SLC24A2: variants seen among roughly 807,000 people sequenced by gnomAD.
The protein encoded by SLC24A2 is solute carrier family 24 member 2.
In SLC24A2, 36 loss-of-function variants were observed where a neutral mutation model predicts 62.0. The ratio of observed to expected loss-of-function variants is 0.58; its 90% CI spans 0.44 to 0.77. The LOEUF is 0.77. Among genes scored for constraint, SLC24A2 ranks in the 30% least tolerant of loss-of-function variants. SLC24A2 has a pLI of 0.00. For missense variants in SLC24A2, 846 were observed against 817.9 expected, an observed-to-expected ratio of 1.03 and a Z score of -0.42; for synonymous variants, 358 against 294.0, an observed-to-expected ratio of 1.22 and a Z score of -2.23.
At chr9:19,561,449 T>TC (rs1835397590) in intron 7 of SLC24A2, among the ~76,000 whole-genome samples, 1 of 151,102 alleles carries the variant, frequency 6.6e-6, no homozygotes, top group Admixed American at 6.6e-5. Flanking sequence ...TTTTTTTTTT[T>TC]TTTGAGATGG....
the SLC24A2 span, among the ~76,000 whole-genome samples, chr9:20,294,528 G>A: frequency 7.4e-3 from 1,121 of 152,212 alleles, 8 homozygotes; most frequent in African/African-American, 0.023. Flanking sequence ...CAAAGCCCCA[G>A]TTCTTCAGTT....
the SLC24A2 span, among the ~76,000 whole-genome samples, chr9:19,932,226 G>T: frequency 6.6e-6 from 1 of 152,194 alleles, no homozygotes; most frequent in Non-Finnish European, 1.5e-5. Flanking sequence ...AATGGTCTTG[G>T]TTTCTTTTTC....
At chr9:19,557,405 G>A (rs986769894) in intron 7 of SLC24A2, among the ~76,000 whole-genome samples, 23 of 152,300 alleles carry the variant, frequency 1.5e-4, no homozygotes, top group African/African-American at 4.8e-4. Flanking sequence ...AGAATGAGCC[G>A]AAGGCGGTGG....
the SLC24A2 span, among the ~76,000 whole-genome samples, chr9:20,170,944 A>C: frequency 6.6e-6 from 1 of 151,992 alleles, no homozygotes; most frequent in African/African-American, 2.4e-5. Flanking sequence ...AGAAGAGGAA[A>C]AGAATCTTAA....
chr9:19,809,531 C>T, the SLC24A2 span, among the ~76,000 whole-genome samples: 2 of 152,026 alleles, frequency 1.3e-5, no homozygotes, highest in African/African-American at 2.4e-5. Flanking sequence ...TCCTTGCTAA[C>T]AACAGCAGCC....
chr9:20,184,445 A>C, the SLC24A2 span, among the ~76,000 whole-genome samples: 1 of 152,158 alleles, frequency 6.6e-6, no homozygotes, highest in Non-Finnish European at 1.5e-5. Context: ...GCTACTCAGG[A>C]GGCTGAGGCA....
rs35965587 is a variant in SLC24A2 at position 19,573,529 on chromosome 9, CAG to C, written c.1229-62_1229-61del. 2.7e-3 allele frequency: 1,161 copies of C among 431,696 alleles called. 2 individuals carry two copies. Among genetic ancestry groups the C allele is most frequent in the African/African-American group, 5.3e-3 (237 of 44,954 alleles). 26.7% of individuals were successfully genotyped at this position (431,696 alleles called of 1,614,324 possible). On this transcript the variant is annotated intron_variant, in intron 6 of 10. Coordinates refer to ENST00000341998, the MANE Select transcript of SLC24A2 (RefSeq NM_020344.4). ...ACACACACACACACACACACACACA[CAG>C]AGAGAGAGAGAGAGAGAGAGAGAAA...
chr9:19,542,887 C>G (rs1176804928), intron 8 of SLC24A2, among the ~76,000 whole-genome samples: 1 of 152,110 alleles, frequency 6.6e-6, no homozygotes, highest in African/African-American at 2.4e-5. Flanking sequence ...GGATACTGGC[C>G]TGAAATTTTC....
intron 2 of SLC24A2, among the ~76,000 whole-genome samples, chr9:19,709,359 G>C (rs963555712): frequency 3.3e-5 from 5 of 152,176 alleles, no homozygotes; most frequent in African/African-American, 1.2e-4. Flanking sequence ...ATTCCTTGGG[G>C]ATCTAGAACA....
chr9:19,690,525 T>C (rs1363015272), intron 2 of SLC24A2, among the ~76,000 whole-genome samples: 1 of 152,104 alleles, frequency 6.6e-6, no homozygotes, highest in Non-Finnish European at 1.5e-5. Flanking sequence ...GGTGGCTTTC[T>C]TGTTTACTGT....
At chr9:19,831,700 A>C in the SLC24A2 span, among the ~76,000 whole-genome samples, 1 of 152,240 alleles carries the variant, frequency 6.6e-6, no homozygotes. Context: ...AGAATACAAA[A>C]GGACAAAGAC....
chr9:19,923,295 T>G, the SLC24A2 span, among the ~76,000 whole-genome samples: 1 of 152,214 alleles, frequency 6.6e-6, no homozygotes, highest in Non-Finnish European at 1.5e-5. Flanking sequence ...AATGTTTCCT[T>G]TAATGCATCA....
At chr9:19,844,305 G>C in the SLC24A2 span, among the ~76,000 whole-genome samples, 3 of 152,112 alleles carry the variant, frequency 2.0e-5, no homozygotes, top group African/African-American at 7.2e-5. Context: ...TTTGTTGGCT[G>C]CTTGGATGTC....
At chr9:19,914,136 G>C in the SLC24A2 span, among the ~76,000 whole-genome samples, 1 of 151,944 alleles carries the variant, frequency 6.6e-6, no homozygotes, top group African/African-American at 2.4e-5. Context: ...CTCAAAATGC[G>C]CTTCCTTTCA....
chr9:19,735,746 A>G (rs1318362091), intron 2 of SLC24A2, among the ~76,000 whole-genome samples: 1 of 152,202 alleles, frequency 6.6e-6, no homozygotes, highest in East Asian at 1.9e-4. Flanking sequence ...TTCTCAGCAA[A>G]CTATCGCAAG....
intron 7 of SLC24A2, among the ~76,000 whole-genome samples, chr9:19,568,070 C>T (rs1472599295): frequency 6.6e-6 from 1 of 152,112 alleles, no homozygotes; most frequent in African/African-American, 2.4e-5. Context: ...CTCATAATTT[C>T]CGCTAATAAA....
intron 2 of SLC24A2, among the ~76,000 whole-genome samples, chr9:19,656,945 C>T (rs945742269): frequency 6.6e-6 from 1 of 152,184 alleles, no homozygotes; most frequent in African/African-American, 2.4e-5. Flanking sequence ...GGTGACACTC[C>T]CTCTGGTCCT....
At chr9:20,118,574 T>A in the SLC24A2 span, among the ~76,000 whole-genome samples, 1 of 152,060 alleles carries the variant, frequency 6.6e-6, no homozygotes, top group African/African-American at 2.4e-5. Context: ...CAGCCTATGT[T>A]TTACCAACAA....
the SLC24A2 span, among the ~76,000 whole-genome samples, chr9:20,228,879 T>C: frequency 3.3e-5 from 5 of 151,864 alleles, no homozygotes; most frequent in East Asian, 1.9e-4. Flanking sequence ...CACTGGTAAA[T>C]GGAGGGTGAA....
Sources: allele counts gnomAD v4.1 joint callset (sites outside exome capture counted in the v4.1 genomes callset), GRCh38; gene constraint gnomAD v4.1.1; transcripts MANE v1.5; gene names NCBI Gene and HGNC (gene_info 2026-07-23, HGNC 2026-07-21).